Variants in DPYSL2 observed in about 807,000 individuals in gnomAD.
DPYSL2 encodes dihydropyrimidinase like 2.
DPYSL2 carries 13 observed loss-of-function variants against 69.9 expected under a neutral mutation model. That is an observed-to-expected ratio of 0.19 (90% confidence interval 0.12 to 0.30). The LOEUF is 0.30. Among genes scored for constraint, DPYSL2 ranks in the 10% least tolerant of loss-of-function variants. The pLI, the probability that DPYSL2 is intolerant of heterozygous loss-of-function variation, is 1.00. For synonymous variants in DPYSL2, 326 were observed against 359.1 expected (o/e 0.91, Z 1.04); for missense variants, 587 against 918.9 (o/e 0.64, Z 4.67).
In DPYSL2 at chr8:26,610,690, C is replaced by T. The variant is rs569659443; in HGVS notation, c.629-13453C>T. ...TCCCCTGGCATAGAAGGGTGCATCT[C>T]GTCTCCCCACAACAGCACTGGAAGG... On this transcript the variant is annotated intron_variant, in intron 3 of 13. Transcript: ENST00000521913. The surrounding 1 kb of genome is among the most constrained non-coding windows in gnomAD (Gnocchi z 4.5). Among the ~76,000 whole-genome samples the T allele has an allele frequency of 1.3e-5, 2 of 152,118 alleles. No homozygotes were observed. The highest frequency in any genetic ancestry group is 2.9e-5 in the Non-Finnish European group (2 of 68,030).
At chr8:26,635,126 A>C (rs1802880298) in intron 8 of DPYSL2, among the ~76,000 whole-genome samples, 1 of 152,238 alleles carries the variant, frequency 6.6e-6, no homozygotes. Flanking sequence ...TGTGCACGCC[A>C]AGGCGGGGTG....
At chr8:26,616,080 C>T (rs566450041) in intron 3 of DPYSL2, among the ~76,000 whole-genome samples, 1 of 152,304 alleles carries the variant, frequency 6.6e-6, no homozygotes, top group African/African-American at 2.4e-5. Context: ...AGTCCCATTT[C>T]ATGGCTGAGG....
rs898038236 is a variant in DPYSL2, at chr8:26,587,865, G to A, written c.628+3882G>A. On this transcript the variant is annotated intron_variant, in intron 3 of 13. Coordinates refer to ENST00000521913, the MANE Select transcript of DPYSL2 (RefSeq NM_001197293.3). This position sits in a 1 kb window ranked among gnomAD's most constrained non-coding sequence, Gnocchi z 4.2. ...CTCAGAGTTTCTAGGAAGCAGCTGG[G>A]AACAGTTACCTCTATTTTATAGAGG... 6.6e-6 allele frequency among the ~76,000 whole-genome samples: 1 copy of A among 152,160 alleles called. No homozygotes were observed. The highest frequency in any genetic ancestry group is 2.4e-5 in the African/African-American group (1 of 41,442).
rs942095434 is a variant in DPYSL2, at chr8:26,643,136, A to G, written c.1127-303A>G. The G allele has an allele frequency of 2.0e-5, 6 of 304,264 alleles. No individual in the cohort carries two copies. Among genetic ancestry groups the G allele is most frequent in the Admixed American group, 9.2e-5 (2 of 21,798 alleles). 18.8% of individuals were successfully genotyped at this position (304,264 alleles called of 1,614,324 possible). ...TGGACACCATCCGAGCAGGAGATTA[A>G]TGGAATTGAAAATCAGCAACGTAGG... On this transcript the variant is annotated intron_variant, in intron 8 of 13. Coordinates refer to ENST00000521913, the MANE Select transcript of DPYSL2 (RefSeq NM_001197293.3). The surrounding 1 kb of genome is among the most constrained non-coding windows in gnomAD (Gnocchi z 6.5).
chr8:26,638,909 A>G (rs532603184), intron 8 of DPYSL2, among the ~76,000 whole-genome samples: 12 of 152,306 alleles, frequency 7.9e-5, no homozygotes, highest in South Asian at 6.2e-4. Context: ...CATTTTGTCC[A>G]TGTGTGAAAT....
intron 1 of DPYSL2, among the ~76,000 whole-genome samples, chr8:26,555,082 T>TATTCTC (rs60476037): frequency 2.0e-5 from 3 of 151,580 alleles, no homozygotes; most frequent in Admixed American, 2.0e-4. Context: ...TAGTGATAGA[T>TATTCTC]AGAAAGCTAA....
At chr8:26,519,388 C>T (rs1289232206) in intron 1 of DPYSL2, among the ~76,000 whole-genome samples, 1 of 152,184 alleles carries the variant, frequency 6.6e-6, no homozygotes, top group South Asian at 2.1e-4. Flanking sequence ...GGTGATAGTC[C>T]CAGGACTGGG....
intron 13 of DPYSL2, 55 bp from the exon 14 acceptor site, chr8:26,655,560 T>A: frequency 2.1e-6 from 3 of 1,448,858 alleles, no homozygotes; most frequent in Non-Finnish European, 2.8e-6. Context: ...TCAAGCAGGA[T>A]CTTGTGTGAC....
chr8:26,537,905 C>T (rs1800621379), intron 1 of DPYSL2, among the ~76,000 whole-genome samples: 1 of 152,120 alleles, frequency 6.6e-6, no homozygotes, highest in Non-Finnish European at 1.5e-5. Context: ...TTCCTTCTAT[C>T]TGGAAGCGTT....
chr8:26,585,428 C>T lies in DPYSL2; in HGVS notation c.628+1445C>T, dbSNP rs1801579603. ...TCCTGGCCCTCAGGGTCTGAAGCAT[C>T]AGGAACAGCTCTCTCCTGTTTCAGC... On this transcript the variant is annotated intron_variant, in intron 3 of 13. Transcript: ENST00000521913. The surrounding 1 kb of genome is among the most constrained non-coding windows in gnomAD (Gnocchi z 4.0). Among the ~76,000 whole-genome samples, 1 of 152,156 alleles carries T rather than the reference C, an allele frequency of 6.6e-6. No individual in the cohort carries two copies. Among genetic ancestry groups the T allele is most frequent in the African/African-American group, 2.4e-5 (1 of 41,434 alleles).
rs1488558455 is a variant in DPYSL2, at chr8:26,609,329, T to C, written c.629-14814T>C. Among the ~76,000 whole-genome samples, 2 of 152,172 alleles carry C rather than the reference T, an allele frequency of 1.3e-5. No homozygotes were observed. Among genetic ancestry groups the C allele is most frequent in the Non-Finnish European group, 2.9e-5 (2 of 68,036 alleles). ...TTCTTTCCTGTTATTAACAATGGCT[T>C]TGGGGCTTTTGGGGCGCATTTAGTT... On this transcript the variant is annotated intron_variant, in intron 3 of 13. Coordinates refer to ENST00000521913, the MANE Select transcript of DPYSL2 (RefSeq NM_001197293.3). This position sits in a 1 kb window ranked among gnomAD's most constrained non-coding sequence, Gnocchi z 6.5.
chr8:26,520,084 T>C (rs1027312088), intron 1 of DPYSL2, among the ~76,000 whole-genome samples: 4 of 152,194 alleles, frequency 2.6e-5, no homozygotes, highest in African/African-American at 9.7e-5. Context: ...CTGTTCTTAT[T>C]GCAGTGAATA....
intron 3 of DPYSL2, among the ~76,000 whole-genome samples, 168 bp downstream of exon 3, chr8:26,584,151 C>A (rs1159737709): frequency 1.3e-5 from 2 of 152,180 alleles, no homozygotes; most frequent in Admixed American, 1.3e-4. Flanking sequence ...TATTTATGCT[C>A]ATTTTCTGTC....
chr8:26,645,643 G>A (rs1214147828), intron 10 of DPYSL2, among the ~76,000 whole-genome samples: 6 of 152,188 alleles, frequency 3.9e-5, no homozygotes, highest in Non-Finnish European at 4.4e-5. Context: ...TCCGTCTCCC[G>A]GGTTCAAGCG....
At chr8:26,548,625 G>A (rs1353366621) in intron 1 of DPYSL2, among the ~76,000 whole-genome samples, 4 of 151,836 alleles carry the variant, frequency 2.6e-5, no homozygotes, top group African/African-American at 9.7e-5. Context: ...GCTTATGTCT[G>A]TAATCCCAGC....
intron 1 of DPYSL2, chr8:26,577,855 T>C (rs1663653286): frequency 1.9e-6 from 2 of 1,068,732 alleles, no homozygotes; most frequent in East Asian, 9.6e-5. Context: ...TCGCTGCTCG[T>C]CTCTCTCGAA....
intron 3 of DPYSL2, among the ~76,000 whole-genome samples, chr8:26,603,290 A>G (rs1481779321): frequency 1.3e-5 from 2 of 152,008 alleles, no homozygotes; most frequent in Admixed American, 6.6e-5. Flanking sequence ...CTCCTGCCTC[A>G]GCCTTCTGAG....
rs1563201707 is a variant in DPYSL2 at position 26,655,725 on chromosome 8, T to TCC, written c.*20_*21dup. The TCC allele has an allele frequency of 6.3e-7, 1 of 1,578,688 alleles. No homozygotes were observed. The stretch of plus-strand genomic sequence containing the variant: ...GGGCTAGAGCTCCTGGGCTGTGCCG[T>TCC]CCACTGGGGACTGGGGATGGGACAC... On this transcript the variant is annotated 3_prime_UTR_variant, in exon 14 of 14. Coordinates refer to ENST00000521913, the MANE Select transcript of DPYSL2 (RefSeq NM_001197293.3).
intron 7 of DPYSL2, 69 bp from the exon 8 acceptor site, chr8:26,634,711 T>A (rs1316730476): frequency 6.2e-7 from 1 of 1,610,100 alleles, no homozygotes; most frequent in East Asian, 2.2e-5. Flanking sequence ...CTCTCTGGGG[T>A]GGAGGATAAA....
Sources: gnomAD v4.1 joint callset for allele counts (sites outside exome capture counted in the v4.1 genomes callset) on GRCh38, gnomAD v4.1.1 for gene constraint, Gnocchi (gnomAD v3.1) non-coding constraint, MANE v1.5 for transcripts, NCBI Gene and HGNC (gene_info 2026-07-23, HGNC 2026-07-21) for gene names.